NYAP2: variants seen among roughly 807,000 people sequenced by gnomAD.
The protein encoded by NYAP2 is neuronal tyrosine-phosphorylated phosphoinositide-3-kinase adapter 2.
A neutral mutation model predicts 50.4 loss-of-function variants in NYAP2; 23 were observed. The observed-to-expected ratio is 0.46, with a 90% CI of 0.33 to 0.65. NYAP2 has a LOEUF of 0.65. Among genes scored for constraint, NYAP2 ranks in the 30% least tolerant of loss-of-function variants. The pLI, the probability that NYAP2 is intolerant of heterozygous loss-of-function variation, is 0.02. For missense variants in NYAP2, 885 were observed against 861.0 expected, an observed-to-expected ratio of 1.03 and a Z score of -0.35; for synonymous variants, 394 against 365.2, an observed-to-expected ratio of 1.08 and a Z score of -0.90.
rs1559200516 is a variant in NYAP2 at position 225,512,833 on chromosome 2, C to CTT, written c.222-537_222-536insTT. ...CTTTTCTTTCTTTCTCTCTCTCTCT[C>CTT]TCTCTTTCTTTCTTTCTTTCTTCCT... On this transcript the variant is annotated intron_variant, in intron 3 of 6. Transcript: ENST00000636099. Among the ~76,000 whole-genome samples, 270 of 44,262 alleles carry CTT rather than the reference C, an allele frequency of 6.1e-3. 7 individuals carry two copies. The highest frequency in any genetic ancestry group is 0.025 in the African/African-American group (258 of 10,420). 29.0% of individuals were successfully genotyped at this position (44,262 alleles called of 152,430 possible). A position where few individuals can be genotyped will look rare whatever the true frequency, so the allele number is the denominator to read the frequency against.
chr2:225,600,453 C>T (rs1368609179), intron 5 of NYAP2, among the ~76,000 whole-genome samples: 2 of 151,940 alleles, frequency 1.3e-5, no homozygotes, highest in Non-Finnish European at 2.9e-5. Context: ...CAGTCTAATC[C>T]CCAGGCAAAA....
rs767725801 is a variant in NYAP2 at position 225,582,783 on chromosome 2, C to T, written c.1366C>T (p.Pro456Ser). 1 of 1,613,952 alleles carries T rather than the reference C, an allele frequency of 6.2e-7. No homozygotes were observed. Residue 456 changes from proline to serine, a missense_variant, in exon 5 of 7, where the codon CCT (proline) becomes TCT (serine). By Grantham distance (74) the Pro-to-Ser change is moderately conservative. Transcript: ENST00000636099. The surrounding 1 kb of genome is among the most constrained non-coding windows in gnomAD (Gnocchi z 7.0). ...TCCCCTGAGCCTCAAAAGGCCTCCC[C>T]CTTACGACGCTGTGCATTCGGGCAG...
intron 4 of NYAP2, among the ~76,000 whole-genome samples, chr2:225,538,664 T>C (rs542198363): frequency 1.1e-4 from 17 of 152,348 alleles, no homozygotes; most frequent in Non-Finnish European, 2.4e-4. Flanking sequence ...TGGAGACATT[T>C]TCCCCATTGT....
chr2:225,408,794 A>T, intron 2 of NYAP2, 70 bp from the exon 3 acceptor site: 1 of 765,326 alleles, frequency 1.3e-6, no homozygotes, highest in Non-Finnish European at 2.2e-6. Context: ...TTGAGTTGTT[A>T]GGGATAATAA....
chr2:225,505,146 C>G (rs1690683273), intron 3 of NYAP2, among the ~76,000 whole-genome samples: 1 of 151,832 alleles, frequency 6.6e-6, no homozygotes, highest in Admixed American at 6.6e-5. Context: ...CAGTTCATCA[C>G]AGCAGTTAAT....
intron 4 of NYAP2, among the ~76,000 whole-genome samples, chr2:225,527,549 GA>G (rs1254002485): frequency 6.6e-6 from 1 of 152,206 alleles, no homozygotes; most frequent in East Asian, 1.9e-4. Context: ...AAGAACAGAA[GA>G]GTTTCTTGGA....
chr2:225,671,180 C>CT, the NYAP2 span, among the ~76,000 whole-genome samples: 2 of 150,906 alleles, frequency 1.3e-5, no homozygotes, highest in African/African-American at 2.4e-5. Flanking sequence ...GTTTTTTTTT[C>CT]TTTTTCCCTC....
At chr2:225,414,721 A>G (rs1400627668) in intron 3 of NYAP2, among the ~76,000 whole-genome samples, 6 of 152,078 alleles carry the variant, frequency 3.9e-5, no homozygotes, top group Admixed American at 3.9e-4. Flanking sequence ...AGTTTAGGCC[A>G]TCAAGTGACG....
At chr2:225,561,027 G>GAGCATGC (rs1447790647) in intron 4 of NYAP2, among the ~76,000 whole-genome samples, 1 of 150,308 alleles carries the variant, frequency 6.7e-6, no homozygotes, top group Admixed American at 6.7e-5. Context: ...TGCAGGCCTG[G>GAGCATGC]AGCATGCAGC....
chr2:225,434,593 C>T (rs6753020), intron 3 of NYAP2, among the ~76,000 whole-genome samples: 106,325 of 152,124 alleles, frequency 0.7, 37,786 homozygotes, highest in Non-Finnish European at 0.76. Flanking sequence ...ATAGCATGAA[C>T]TTGGAGGTGC....
intron 3 of NYAP2, among the ~76,000 whole-genome samples, chr2:225,488,527 C>A (rs769725228): frequency 6.6e-6 from 1 of 152,160 alleles, no homozygotes; most frequent in Non-Finnish European, 1.5e-5. Context: ...GCACATACCA[C>A]CAAGCCCAGC....
intron 3 of NYAP2, among the ~76,000 whole-genome samples, chr2:225,463,875 G>T (rs756443198): frequency 2.5e-4 from 38 of 151,500 alleles, no homozygotes; most frequent in Non-Finnish European, 4.7e-4. Context: ...TGTGTGGAGG[G>T]GCAGCTGTGG....
chr2:225,462,571 C>T (rs934185379), intron 3 of NYAP2, among the ~76,000 whole-genome samples: 7 of 152,186 alleles, frequency 4.6e-5, no homozygotes, highest in Non-Finnish European at 1.0e-4. Context: ...AAGACATCTT[C>T]TATTCATCTT....
At chr2:225,587,106 C>T (rs1463863344) in intron 5 of NYAP2, among the ~76,000 whole-genome samples, 1 of 152,132 alleles carries the variant, frequency 6.6e-6, no homozygotes, top group Non-Finnish European at 1.5e-5. Context: ...ATGGGGAAAA[C>T]CACCCCCATG....
intron 3 of NYAP2, among the ~76,000 whole-genome samples, chr2:225,485,167 G>A (rs6436556): frequency 0.061 from 9,279 of 152,250 alleles, 375 homozygotes; most frequent in Middle Eastern, 0.11. Context: ...CTGTTCTCTC[G>A]TGATAGTGAG....
chr2:225,448,266 G>C (rs1689594496), intron 3 of NYAP2, among the ~76,000 whole-genome samples: 1 of 152,166 alleles, frequency 6.6e-6, no homozygotes, highest in Non-Finnish European at 1.5e-5. Context: ...GTAATTCAGT[G>C]ATAGTCATCA....
At chr2:225,408,066 T>C (rs1038771905) in intron 2 of NYAP2, among the ~76,000 whole-genome samples, 5 of 152,092 alleles carry the variant, frequency 3.3e-5, no homozygotes, top group East Asian at 3.9e-4. Flanking sequence ...GAGAGTAATA[T>C]ATACTAGTTG....
intron 3 of NYAP2, among the ~76,000 whole-genome samples, chr2:225,508,077 A>G (rs1690742678): frequency 6.6e-6 from 1 of 152,244 alleles, no homozygotes; most frequent in Admixed American, 6.5e-5. Flanking sequence ...GTGTTTTGTA[A>G]TGGAATAACT....
At chr2:225,422,102 C>A (rs1448449684) in intron 3 of NYAP2, among the ~76,000 whole-genome samples, 1 of 151,840 alleles carries the variant, frequency 6.6e-6, no homozygotes, top group Non-Finnish European at 1.5e-5. Flanking sequence ...TTGTTCTGTT[C>A]AGTTTGCTAG....
Sources: gnomAD v4.1 joint callset for allele counts (sites outside exome capture counted in the v4.1 genomes callset) on GRCh38, gnomAD v4.1.1 for gene constraint, Gnocchi (gnomAD v3.1) non-coding constraint, MANE v1.5 for transcripts, NCBI Gene and HGNC (gene_info 2026-07-23, HGNC 2026-07-21) for gene names.